The following AGK variants were observed in gnomAD, a reference collection of about 807,000 sequenced individuals.
AGK encodes the protein acylglycerol kinase, also known as acylglycerol kinase, mitochondrial.
In AGK, 52 loss-of-function variants were observed where a neutral mutation model predicts 66.4. That is an observed-to-expected ratio of 0.78 (90% CI 0.63 to 0.99). AGK has a LOEUF of 0.99. Among genes scored for constraint, AGK ranks in the 50% least tolerant of loss-of-function variants. The pLI, the probability that AGK is intolerant of heterozygous loss-of-function variation, is 0.00. For synonymous variants in AGK, 182 were observed against 181.1 expected, an observed-to-expected ratio of 1.00 and a Z score of -0.04; for missense variants, 451 against 506.6, an observed-to-expected ratio of 0.89 and a Z score of 1.05.
chr7:141,585,847 T>G (rs779780824), intron 2 of AGK, among the ~76,000 whole-genome samples: 2 of 152,224 alleles, frequency 1.3e-5, no homozygotes, highest in Non-Finnish European at 2.9e-5. Flanking sequence ...AATTTCTTTC[T>G]GTCAAAGAAC....
intron 9 of AGK, among the ~76,000 whole-genome samples, chr7:141,626,434 G>A (rs1467869909): frequency 1.3e-5 from 2 of 152,176 alleles, no homozygotes; most frequent in African/African-American, 4.8e-5. Context: ...GGGAAACAAA[G>A]CCCACAGTCT....
chr7:141,562,697 A>C (rs1383313958), intron 2 of AGK, among the ~76,000 whole-genome samples: 1 of 152,218 alleles, frequency 6.6e-6, no homozygotes, highest in East Asian at 1.9e-4. Context: ...TCTCACTTCC[A>C]GAGTGCTCTG....
At position 141,650,736 on chromosome 7, in the gene AGK, C is replaced by T. The variant is rs1324687249; in HGVS notation, c.1047-789C>T. 5 of 938,082 alleles carry T rather than the reference C, an allele frequency of 5.3e-6. No homozygotes were observed. In the African/African-American group the frequency reaches 5.3e-5, roughly 10 times the overall value. 58.1% of individuals were successfully genotyped at this position (938,082 alleles called of 1,614,324 possible). On this transcript the variant is annotated intron_variant, in intron 14 of 15. Coordinates refer to ENST00000649286, the MANE Select transcript of AGK (RefSeq NM_018238.4). ...TAGATATTGTATGCCAAGTAGACCG[C>T]GTTATAAATACAGTCATCCCACGGT...
chr7:141,636,594 C>T (rs981424077), intron 10 of AGK, among the ~76,000 whole-genome samples: 4 of 151,920 alleles, frequency 2.6e-5, no homozygotes, highest in South Asian at 2.1e-4. Context: ...ATTTTATATC[C>T]GGGACTTGAA....
At chr7:141,633,211 A>G (rs1167118407) in intron 9 of AGK, among the ~76,000 whole-genome samples, 3 of 152,184 alleles carry the variant, frequency 2.0e-5, no homozygotes, top group Non-Finnish European at 2.9e-5. Flanking sequence ...TCTGAGCTAC[A>G]GGAAAAATTC....
At chr7:141,634,674 T>A (rs1266291317) in intron 10 of AGK, among the ~76,000 whole-genome samples, 1 of 152,206 alleles carries the variant, frequency 6.6e-6, no homozygotes, top group Non-Finnish European at 1.5e-5. Flanking sequence ...GGGGACACCA[T>A]GTGAGATTCG....
chr7:141,573,698 T>C (rs1455168586), intron 2 of AGK, among the ~76,000 whole-genome samples: 1 of 152,190 alleles, frequency 6.6e-6, no homozygotes, highest in African/African-American at 2.4e-5. Context: ...GTAAATATCA[T>C]TTCACGCACG....
At chr7:141,628,575 G>A (rs1796990307) in intron 9 of AGK, among the ~76,000 whole-genome samples, 1 of 152,030 alleles carries the variant, frequency 6.6e-6, no homozygotes, top group Non-Finnish European at 1.5e-5. Context: ...AATAGTTCTT[G>A]GAAACAATAA....
intron 2 of AGK, among the ~76,000 whole-genome samples, chr7:141,558,260 T>G (rs1795258549): frequency 6.6e-6 from 1 of 151,924 alleles, no homozygotes; most frequent in African/African-American, 2.4e-5. Flanking sequence ...GAGGTTCAAG[T>G]GATTCTCTTG....
chr7:141,579,651 G>A (rs745447396), intron 2 of AGK, among the ~76,000 whole-genome samples: 1 of 151,936 alleles, frequency 6.6e-6, no homozygotes, highest in Non-Finnish European at 1.5e-5. Context: ...AGGAGTAGTA[G>A]AATAGCAGAT....
rs149534207 is a variant in AGK at position 141,580,915 on chromosome 7, G to A, written c.102-12231G>A. ...TCTTCAAGGAATGGAAAGAGGAGTG[G>A]GGAAAGGATTTAGGATCTATGGAGT... On this transcript the variant is annotated intron_variant, in intron 2 of 15. Transcript: ENST00000649286. Among the ~76,000 whole-genome samples, 26 of 151,972 alleles carry A rather than the reference G, an allele frequency of 1.7e-4. No individual in the cohort carries two copies. The East Asian group carries it at 5.0e-3, about 29-fold the overall frequency.
At chr7:141,637,201 C>T (rs895875140) in intron 11 of AGK, among the ~76,000 whole-genome samples, 184 bp downstream of exon 11, 2 of 152,102 alleles carry the variant, frequency 1.3e-5, no homozygotes, top group Non-Finnish European at 2.9e-5. Flanking sequence ...AGCAATCACC[C>T]TTTATCTACC....
At chr7:141,638,090 A>G (rs903576469) in intron 11 of AGK, among the ~76,000 whole-genome samples, 1 of 152,224 alleles carries the variant, frequency 6.6e-6, no homozygotes, top group African/African-American at 2.4e-5. Flanking sequence ...ACAATAGTTG[A>G]CATATGCTTG....
At chr7:141,629,250 C>T (rs1225448945) in intron 9 of AGK, among the ~76,000 whole-genome samples, 1 of 152,140 alleles carries the variant, frequency 6.6e-6, no homozygotes, top group African/African-American at 2.4e-5. Flanking sequence ...AGCGTTTATT[C>T]CAACCTGCTC....
Position 141,581,194 on chromosome 7 carries a change from T to G in AGK, c.102-11952T>G, listed in dbSNP as rs183578171. ...AGTAATGGGGGCTGTCTGTGAAGTC[T>G]TGCGGCAGTACAGCCCAGGTAATTT... On this transcript the variant is annotated intron_variant, in intron 2 of 15. Coordinates refer to ENST00000649286, the MANE Select transcript of AGK (RefSeq NM_018238.4). Among the ~76,000 whole-genome samples, 79 of 152,022 alleles carry G rather than the reference T, an allele frequency of 5.2e-4. 3 individuals carry two copies. Among genetic ancestry groups the G allele is most frequent in the African/African-American group, 1.8e-3 (75 of 41,328 alleles).
In AGK at chr7:141,577,749, C is replaced by A. The variant is rs573812133; in HGVS notation, c.102-15397C>A. On this transcript the variant is annotated intron_variant, in intron 2 of 15. Coordinates refer to ENST00000649286, the MANE Select transcript of AGK (RefSeq NM_018238.4). ...AGGCCGGTTGGGGTTTCTCGGGGAC[C>A]CCTTAGTCTTGGCTGTCTCAATTCA... is the stretch of plus-strand genomic sequence containing the variant. Among the ~76,000 whole-genome samples the A allele has an allele frequency of 2.0e-5, 3 of 152,180 alleles. No individual in the cohort carries two copies. In the South Asian group the frequency reaches 6.3e-4, roughly 32 times the overall value.
intron 4 of AGK, among the ~76,000 whole-genome samples, chr7:141,600,563 T>A (rs189972061): frequency 6.6e-6 from 1 of 152,218 alleles, no homozygotes; most frequent in Admixed American, 6.5e-5. Flanking sequence ...ACTTAGTAAG[T>A]ACTTTCTAAT....
intron 9 of AGK, among the ~76,000 whole-genome samples, chr7:141,623,057 A>T (rs998382788): frequency 2.6e-5 from 4 of 152,156 alleles, no homozygotes; most frequent in Admixed American, 2.6e-4. Flanking sequence ...AAGGAACTTA[A>T]ATGTGCTACT....
chr7:141,647,147 G>A (rs1416748190), intron 13 of AGK, among the ~76,000 whole-genome samples: 1 of 151,484 alleles, frequency 6.6e-6, no homozygotes, highest in African/African-American at 2.4e-5. Flanking sequence ...TGAACCCTGG[G>A]CCGTTCTTAC....
Sources: allele counts gnomAD v4.1 joint callset (sites outside exome capture counted in the v4.1 genomes callset), GRCh38; gene constraint gnomAD v4.1.1; transcripts MANE v1.5; gene names NCBI Gene and HGNC (gene_info 2026-07-23, HGNC 2026-07-21).